Variants in KCNJ6 observed in about 807,000 individuals in gnomAD.
KCNJ6 encodes G protein-activated inward rectifier potassium channel 2.
In KCNJ6, 9 loss-of-function variants were observed where a neutral mutation model predicts 34.2. That is an observed-to-expected ratio of 0.26 (90% confidence interval 0.16 to 0.46). The LOEUF (loss-of-function observed/expected upper bound fraction) is 0.46. Among genes scored for constraint, KCNJ6 ranks in the 20% least tolerant of loss-of-function variants. KCNJ6 has a pLI of 1.00. For missense variants in KCNJ6, 236 were observed against 531.3 expected, an observed-to-expected ratio of 0.44 and a Z score of 5.46; for synonymous variants, 196 against 207.1, an observed-to-expected ratio of 0.95 and a Z score of 0.46.
intron 3 of KCNJ6, among the ~76,000 whole-genome samples, chr21:37,647,008 C>T (rs1320219944): frequency 1.3e-5 from 2 of 152,132 alleles, no homozygotes; most frequent in African/African-American, 4.8e-5. Context: ...AGCAGCTCTT[C>T]CAAGGTGGTG....
rs577507669 is a variant in KCNJ6 at position 37,875,608 on chromosome 21, C to T, written c.-27-34899G>A. 3.9e-5 allele frequency among the ~76,000 whole-genome samples: 6 copies of T among 152,302 alleles called. No homozygotes were observed. In the East Asian group the frequency reaches 7.7e-4, roughly 20 times the overall value. On this transcript the variant is annotated intron_variant, in intron 1 of 3. Transcript: ENST00000609713. ...TGCAGCTGCAAACAGCTTACTGTTT[C>T]GATTTTCCCTTATTGCTGGCCTCAC...
chr21:37,910,877 C>A (rs916912986), intron 1 of KCNJ6, among the ~76,000 whole-genome samples: 3 of 152,182 alleles, frequency 2.0e-5, no homozygotes, highest in Non-Finnish European at 4.4e-5. Flanking sequence ...AAAATCAGAT[C>A]TGAATGACCA....
At chr21:37,869,512 G>A (rs542413552) in intron 1 of KCNJ6, among the ~76,000 whole-genome samples, 1 of 152,088 alleles carries the variant, frequency 6.6e-6, no homozygotes, top group South Asian at 2.1e-4. Context: ...CATTTGCCTC[G>A]GGCTTTTACA....
chr21:37,801,611 G>C (rs2055269682), intron 2 of KCNJ6, among the ~76,000 whole-genome samples: 1 of 152,176 alleles, frequency 6.6e-6, no homozygotes, highest in Admixed American at 6.5e-5. Context: ...CCCTGACTCA[G>C]CTTCTCCCAG....
At chr21:37,802,378 G>T (rs551371942) in intron 2 of KCNJ6, among the ~76,000 whole-genome samples, 95 of 152,218 alleles carry the variant, frequency 6.2e-4, no homozygotes, top group African/African-American at 2.2e-3. Context: ...TTAAAGGAAG[G>T]CTCTTGTGAA....
At chr21:37,777,219 G>T (rs9305625) in intron 2 of KCNJ6, among the ~76,000 whole-genome samples, 74,485 of 151,846 alleles carry the variant, frequency 0.49, 18,428 homozygotes, top group Non-Finnish European at 0.52. Flanking sequence ...TTTTATTGCA[G>T]CTATTTGATT....
intron 2 of KCNJ6, among the ~76,000 whole-genome samples, chr21:37,835,264 C>T (rs181734976): frequency 3.2e-4 from 48 of 152,304 alleles, no homozygotes; most frequent in African/African-American, 9.9e-4. Context: ...AGCTTGCCAG[C>T]AGAACCCTGA....
At chr21:37,674,045 T>C (rs984087646) in intron 3 of KCNJ6, among the ~76,000 whole-genome samples, 2 of 152,216 alleles carry the variant, frequency 1.3e-5, no homozygotes, top group African/African-American at 4.8e-5. Flanking sequence ...CTCTAGCCAG[T>C]GTAAACAGGC....
At chr21:37,866,708 C>A (rs549279824) in intron 1 of KCNJ6, among the ~76,000 whole-genome samples, 1 of 152,178 alleles carries the variant, frequency 6.6e-6, no homozygotes, top group Non-Finnish European at 1.5e-5. Flanking sequence ...AGCACTTCAG[C>A]CAGATTCACC....
At chr21:37,751,574 G>A (rs1488255814) in intron 2 of KCNJ6, among the ~76,000 whole-genome samples, 1 of 152,254 alleles carries the variant, frequency 6.6e-6, no homozygotes. Context: ...AGACTGCGAG[G>A]CTGTAAGAAA....
intron 3 of KCNJ6, among the ~76,000 whole-genome samples, chr21:37,694,556 C>A (rs894997777): frequency 6.6e-6 from 1 of 152,216 alleles, no homozygotes; most frequent in Non-Finnish European, 1.5e-5. Context: ...AAGTCAGGTT[C>A]TCTATTCCAG....
At chr21:37,700,180 C>T (rs1281635162) in intron 3 of KCNJ6, among the ~76,000 whole-genome samples, 2 of 151,926 alleles carry the variant, frequency 1.3e-5, no homozygotes, top group Non-Finnish European at 2.9e-5. Context: ...ACCCATGAAA[C>T]ATCATGGAGA....
rs192445715 is a variant in KCNJ6 at position 37,880,564 on chromosome 21, C to T, written c.-28+35320G>A. Among the ~76,000 whole-genome samples, 500 of 152,066 alleles carry T rather than the reference C, an allele frequency of 3.3e-3. 9 individuals are homozygous for T. Among genetic ancestry groups the T allele is most frequent in the Non-Finnish European group, 1.3e-3 (86 of 67,964 alleles). On this transcript the variant is annotated intron_variant, in intron 1 of 3. Transcript: ENST00000609713. ...ATGGGAGCCTCAGAAAATGGGATTC[C>T]CAAGAGTGAGGGAGGAAGAAGGAAG...
intron 1 of KCNJ6, among the ~76,000 whole-genome samples, chr21:37,890,549 T>C (rs2055757290): frequency 2.0e-5 from 3 of 152,184 alleles, no homozygotes; most frequent in African/African-American, 7.2e-5. Context: ...TGGAAGACAC[T>C]CCTGCAAGAA....
At chr21:37,669,340 A>C (rs1056700766) in intron 3 of KCNJ6, among the ~76,000 whole-genome samples, 4 of 152,200 alleles carry the variant, frequency 2.6e-5, no homozygotes, top group African/African-American at 9.7e-5. Context: ...CCTTGGGCAC[A>C]TGTTCTCCGG....
intron 2 of KCNJ6, among the ~76,000 whole-genome samples, chr21:37,778,447 T>A (rs1484040145): frequency 6.9e-6 from 1 of 144,854 alleles, no homozygotes; most frequent in Non-Finnish European, 1.6e-5. Flanking sequence ...TCTCTTATAC[T>A]TTTTTTTGTA....
chr21:37,838,727 T>C (rs1176784406), intron 2 of KCNJ6, among the ~76,000 whole-genome samples: 1 of 152,232 alleles, frequency 6.6e-6, no homozygotes, highest in African/African-American at 2.4e-5. Flanking sequence ...GCACATTTCA[T>C]CACTTTAGGA....
intron 3 of KCNJ6, among the ~76,000 whole-genome samples, chr21:37,696,550 C>G (rs1274134606): frequency 6.6e-6 from 1 of 152,088 alleles, no homozygotes; most frequent in East Asian, 1.9e-4. Flanking sequence ...AAGAATTCCA[C>G]TAGATAATAT....
chr21:37,907,602 C>A (rs941829167), intron 1 of KCNJ6, among the ~76,000 whole-genome samples: 1 of 152,216 alleles, frequency 6.6e-6, no homozygotes, highest in Non-Finnish European at 1.5e-5. Context: ...TACCTCTGCC[C>A]CGCTCTGACT....
Sources: gnomAD v4.1 joint callset for allele counts (sites outside exome capture counted in the v4.1 genomes callset) on GRCh38, gnomAD v4.1.1 for gene constraint, MANE v1.5 for transcripts, NCBI Gene and HGNC (gene_info 2026-07-23, HGNC 2026-07-21) for gene names.